The following GABRG1 variants were observed in gnomAD, a reference collection of about 807,000 sequenced individuals.
GABRG1 encodes the protein gamma-aminobutyric acid receptor subunit gamma-1.
A neutral mutation model predicts 49.8 loss-of-function variants in GABRG1; 49 were observed. That is an observed-to-expected ratio of 0.98 (90% CI 0.78 to 1.25). The LOEUF is 1.25. Among genes scored for constraint, GABRG1 ranks in the 50% most tolerant of loss-of-function variants. The probability of loss-of-function intolerance (pLI) is 0.00; values close to 1 mark genes in which losing one functional copy is unlikely to be tolerated. For missense variants in GABRG1, 552 were observed against 552.3 expected (o/e 1.00, Z 0.01); for synonymous variants, 232 against 185.1 (o/e 1.25, Z -2.06).
At chr4:46,076,362 CATATATATATATATAT>C (rs1203391424) in intron 3 of GABRG1, among the ~76,000 whole-genome samples, 116 of 78,708 alleles carry the variant, frequency 1.5e-3, no homozygotes, top group Middle Eastern at 0.011. Flanking sequence ...AGGTCATGTT[CATATATATATATATAT>C]ATATATATAT....
Position 46,123,971 on chromosome 4 carries a change from C to T in GABRG1, c.-58G>A, listed in dbSNP as rs1721177335. On this transcript the variant is annotated 5_prime_UTR_variant, in exon 1 of 9. Transcript: ENST00000295452. ...TCAATTCTCCCAGCCAGGACTTTTC[C>T]TCCCACCTCAGCAGCAGCTGGCTGA... 1.5e-6 allele frequency: 2 copies of T among 1,317,048 alleles called. No individual in the cohort carries two copies. The highest frequency in any genetic ancestry group is 2.9e-5 in the African/African-American group (2 of 69,248). 81.6% of individuals were successfully genotyped at this position (1,317,048 alleles called of 1,614,324 possible). A position where few individuals can be genotyped will look rare whatever the true frequency, so the allele number is the denominator to read the frequency against.
chr4:46,090,302 T>C (rs1382883079), intron 2 of GABRG1, among the ~76,000 whole-genome samples: 1 of 152,006 alleles, frequency 6.6e-6, no homozygotes, highest in African/African-American at 2.4e-5. Context: ...GTATATAAAA[T>C]TTGAGCATTC....
intron 3 of GABRG1, among the ~76,000 whole-genome samples, chr4:46,080,120 T>C (rs1398659808): frequency 6.6e-6 from 1 of 151,886 alleles, no homozygotes; most frequent in Non-Finnish European, 1.5e-5. Flanking sequence ...TTCAGAAATC[T>C]ATGGAAATGC....
chr4:46,097,294 C>T lies in GABRG1; in HGVS notation c.160G>A (p.Val54Ile). 6.2e-7 allele frequency: 1 copy of T among 1,610,958 alleles called. No individual in the cohort carries two copies. Among genetic ancestry groups the T allele is most frequent in the South Asian group, 1.1e-5 (1 of 90,948 alleles). ...DEDLTVNKTW[V>I]LAPKIHEGDI... ...CCTTCATGAATTTTTGGGGCCAAGA[C>T]CCAGGTTTTGTTCACCGTTAAATCC... Residue 54 changes from valine to isoleucine, a missense_variant, in exon 2 of 9, where the codon GTC becomes ATC. By Grantham distance (29) the Val-to-Ile change is conservative. Coordinates refer to ENST00000295452, the MANE Select transcript of GABRG1 (RefSeq NM_173536.4).
chr4:46,108,273 T>C (rs760219617), intron 1 of GABRG1, among the ~76,000 whole-genome samples: 1 of 151,018 alleles, frequency 6.6e-6, no homozygotes, highest in Non-Finnish European at 1.5e-5. Flanking sequence ...AAGCCAAATA[T>C]GAAAAAATTC....
intron 5 of GABRG1, 113 bp downstream of exon 5, chr4:46,064,328 T>C: frequency 1.8e-6 from 1 of 563,554 alleles, no homozygotes; most frequent in Non-Finnish European, 3.1e-6. Context: ...CTAAAAGAAT[T>C]GAACATAACT....
intron 8 of GABRG1, among the ~76,000 whole-genome samples, chr4:46,044,887 G>A (rs528200199): frequency 6.6e-6 from 1 of 152,022 alleles, no homozygotes; most frequent in Non-Finnish European, 1.5e-5. Context: ...TAGGAGAAAG[G>A]TTAGGGCTCT....
intron 5 of GABRG1, among the ~76,000 whole-genome samples, chr4:46,062,596 T>A (rs115046830): frequency 0.017 from 2,610 of 152,320 alleles, 81 homozygotes; most frequent in African/African-American, 0.059. Flanking sequence ...TATCACATTC[T>A]GCTTTTGATT....
chr4:46,109,202 G>GT (rs1720647838), intron 1 of GABRG1, among the ~76,000 whole-genome samples: 1 of 150,744 alleles, frequency 6.6e-6, no homozygotes, highest in African/African-American at 2.4e-5. Flanking sequence ...TTGAAACTCA[G>GT]TGATGGTCTG....
At chr4:46,112,006 T>C (rs1179462990) in intron 1 of GABRG1, among the ~76,000 whole-genome samples, 4 of 151,316 alleles carry the variant, frequency 2.6e-5, no homozygotes, top group African/African-American at 9.7e-5. Context: ...CTTATTAAAC[T>C]GAAGAGCTTC....
intron 1 of GABRG1, among the ~76,000 whole-genome samples, chr4:46,100,032 T>C (rs1720328272): frequency 6.6e-6 from 1 of 151,786 alleles, no homozygotes; most frequent in Non-Finnish European, 1.5e-5. Context: ...ATACAAAGTT[T>C]CACTTATAAC....
chr4:46,116,946 G>A (rs984892908), intron 1 of GABRG1, among the ~76,000 whole-genome samples: 1 of 150,228 alleles, frequency 6.7e-6, no homozygotes, highest in Non-Finnish European at 1.5e-5. Flanking sequence ...TCTATTACAC[G>A]TGCTGGAAAA....
chr4:46,122,200 C>T (rs2109449992), intron 1 of GABRG1, among the ~76,000 whole-genome samples: 1 of 151,920 alleles, frequency 6.6e-6, no homozygotes, highest in Admixed American at 6.6e-5. Context: ...GAGCCAATTA[C>T]AATGATTGCA....
At chr4:46,100,282 C>G (rs973337297) in intron 1 of GABRG1, among the ~76,000 whole-genome samples, 6 of 151,142 alleles carry the variant, frequency 4.0e-5, no homozygotes, top group African/African-American at 1.2e-4. Context: ...GAGAACACAT[C>G]GACAAATGGA....
chr4:46,084,495 T>C (rs1029176587), intron 2 of GABRG1, among the ~76,000 whole-genome samples: 4 of 151,652 alleles, frequency 2.6e-5, no homozygotes, highest in African/African-American at 4.8e-5. Context: ...CTCAGTCTCC[T>C]GGTCTTGGCA....
chr4:46,047,565 T>C (rs1718052982), intron 8 of GABRG1, among the ~76,000 whole-genome samples: 1 of 152,122 alleles, frequency 6.6e-6, no homozygotes, highest in South Asian at 2.1e-4. Flanking sequence ...CCTGGGATGC[T>C]AGGCATAGGC....
intron 1 of GABRG1, among the ~76,000 whole-genome samples, chr4:46,110,345 GCTTT>G (rs1720676593): frequency 6.6e-6 from 1 of 150,766 alleles, no homozygotes; most frequent in African/African-American, 2.4e-5. Flanking sequence ...TGCTCTTTTT[GCTTT>G]CTGTTTGCCC....
intron 3 of GABRG1, among the ~76,000 whole-genome samples, chr4:46,066,703 A>G (rs1718931851): frequency 6.6e-6 from 1 of 152,104 alleles, no homozygotes; most frequent in Non-Finnish European, 1.5e-5. Flanking sequence ...AGAACCTTCA[A>G]GAGTAGATGA....
intron 2 of GABRG1, among the ~76,000 whole-genome samples, chr4:46,085,454 C>A (rs1488959961): frequency 4.0e-5 from 6 of 151,442 alleles, no homozygotes; most frequent in Non-Finnish European, 8.9e-5. Flanking sequence ...AATATTGCTA[C>A]TAATATAGAA....
Sources: gnomAD v4.1 joint callset for allele counts (sites outside exome capture counted in the v4.1 genomes callset) on GRCh38, gnomAD v4.1.1 for gene constraint, MANE v1.5 for transcripts, NCBI Gene and HGNC (gene_info 2026-07-23, HGNC 2026-07-21) for gene names.